Variants in MYOM1 observed in about 807,000 individuals in gnomAD.
The protein encoded by MYOM1 is myomesin-1.
In MYOM1, 164 loss-of-function variants were observed where a neutral mutation model predicts 205.3. The ratio of observed to expected loss-of-function variants is 0.80; its 90% CI spans 0.70 to 0.91. MYOM1 has a LOEUF of 0.91. Among genes scored for constraint, MYOM1 ranks in the 40% least tolerant of loss-of-function variants. The pLI, the probability that MYOM1 is intolerant of heterozygous loss-of-function variation, is 0.00. For missense variants in MYOM1, 2,011 were observed against 2,127.3 expected, an observed-to-expected ratio of 0.95 and a Z score of 1.08; for synonymous variants, 772 against 789.4, an observed-to-expected ratio of 0.98 and a Z score of 0.37.
intron 2 of MYOM1, among the ~76,000 whole-genome samples, chr18:3,210,359 T>C (rs1222070696): frequency 1.3e-5 from 2 of 152,190 alleles, no homozygotes; most frequent in Non-Finnish European, 2.9e-5. Context: ...GAGGTTATAA[T>C]CTGGGTGACA....
intron 13 of MYOM1, 64 bp downstream of exon 13, chr18:3,149,081 C>A: frequency 7.0e-7 from 1 of 1,438,796 alleles, no homozygotes; most frequent in Non-Finnish European, 9.8e-7. Flanking sequence ...GCACCCTCCA[C>A]AACAAAAGGC....
At chr18:3,078,290 C>T (rs1397617518) in intron 34 of MYOM1, among the ~76,000 whole-genome samples, 2 of 152,160 alleles carry the variant, frequency 1.3e-5, no homozygotes, top group Non-Finnish European at 2.9e-5. Flanking sequence ...GATCCACCCG[C>T]CTCAGCCTCC....
rs1412035962 is a variant in MYOM1, at chr18:3,100,039, TC to T, written c.3727+119del. 4 of 1,019,324 alleles carry T rather than the reference TC, an allele frequency of 3.9e-6. No individual in the cohort carries two copies. The East Asian group carries it at 9.6e-5, about 24-fold the overall frequency. The allele number at this position is 1,019,324 out of a possible 1,614,324, so 63.1% of individuals were successfully genotyped here. On this transcript the variant is annotated intron_variant, in intron 25 of 37. Coordinates refer to ENST00000356443, the MANE Select transcript of MYOM1 (RefSeq NM_003803.4). ...CACATCTGTAGCTACTGATGTGTGT[TC>T]CATTATATGTTCTCAAGAGTCTCTC...
the MYOM1 span, among the ~76,000 whole-genome samples, chr18:3,239,197 C>G: frequency 6.6e-6 from 1 of 152,096 alleles, no homozygotes; most frequent in Non-Finnish European, 1.5e-5. Context: ...CAGGAGAGGG[C>G]AGAATTGCTG....
Position 3,119,898 on chromosome 18 carries a change from T to A in MYOM1, c.3089A>T (p.Lys1030Ile). 2 of 1,612,728 alleles carry A rather than the reference T, an allele frequency of 1.2e-6. No individual in the cohort carries two copies. The highest frequency in any genetic ancestry group is 1.1e-5 in the South Asian group (1 of 90,944). Residue 1030 changes from lysine to isoleucine, a missense_variant, in exon 20 of 38, where the codon AAA becomes ATA. Transcript: ENST00000356443. The stretch of plus-strand genomic sequence containing the variant: ...GACGGCGATGGTCCACTCTTCACAT[T>A]TGAAGCATTCGCTTACTGCGGAGGG... ...GAPSAVSECF[K>I]CEEWTIAVPG...
At chr18:3,115,917 A>G (rs1174100171) in intron 21 of MYOM1, among the ~76,000 whole-genome samples, 1 of 152,198 alleles carries the variant, frequency 6.6e-6, no homozygotes, top group Non-Finnish European at 1.5e-5. Flanking sequence ...GAGGATCAGT[A>G]GTCACAGGCT....
intron 10 of MYOM1, 69 bp from the exon 11 acceptor site, chr18:3,155,157 G>GC (rs1303918959): frequency 6.8e-7 from 1 of 1,472,344 alleles, no homozygotes; most frequent in East Asian, 2.4e-5. Flanking sequence ...AGGTCTCAGC[G>GC]CACACGCTTC....
chr18:3,154,404 T>G (rs909954477), intron 11 of MYOM1, among the ~76,000 whole-genome samples: 1 of 152,076 alleles, frequency 6.6e-6, no homozygotes, highest in Non-Finnish European at 1.5e-5. Context: ...GTAGACCTAA[T>G]AGAGACCTAA....
intron 2 of MYOM1, among the ~76,000 whole-genome samples, chr18:3,199,508 G>A (rs768918506): frequency 8.5e-5 from 13 of 152,224 alleles, no homozygotes; most frequent in Non-Finnish European, 1.5e-4. Context: ...GGACAGGCAA[G>A]AGAGCCTGGA....
intron 27 of MYOM1, among the ~76,000 whole-genome samples, 154 bp downstream of exon 27, chr18:3,090,504 G>C (rs2079210551): frequency 6.6e-6 from 1 of 152,166 alleles, no homozygotes; most frequent in African/African-American, 2.4e-5. Flanking sequence ...ATAGGCATGA[G>C]CCACCGCGCC....
intron 3 of MYOM1, among the ~76,000 whole-genome samples, chr18:3,193,291 T>C (rs1285914512): frequency 1.4e-5 from 2 of 143,614 alleles, no homozygotes; most frequent in Non-Finnish European, 3.0e-5. Flanking sequence ...TAAATATATA[T>C]ACATATACAT....
intron 5 of MYOM1, among the ~76,000 whole-genome samples, chr18:3,182,913 CTTTTT>C (rs549386891): frequency 1.1e-5 from 1 of 92,300 alleles, no homozygotes. Flanking sequence ...TTTCTTTCTT[CTTTTT>C]TTTTTTTTTT....
chr18:3,079,221 C>T lies in MYOM1; in HGVS notation c.4606G>A (p.Gly1536Ser). 3 of 1,613,856 alleles carry T rather than the reference C, an allele frequency of 1.9e-6. No homozygotes were observed. Among genetic ancestry groups the T allele is most frequent in the Non-Finnish European group, 1.7e-6 (2 of 1,179,856 alleles). Residue 1536 changes from glycine (G) to serine (S), a missense_variant, in exon 34 of 38, where the codon GGC becomes AGC. Gly to Ser is a moderately conservative substitution (Grantham distance 56). Transcript: ENST00000356443. ...ACTGTCTTCTGATGTCCAGTTTTGC[C>T]ATCAAAGAGCTCCATGACATACTTC... is the stretch of plus-strand genomic sequence containing the variant. Reference protein sequence around the residue: ...KGKYVMELFDGKTGHQKTVDL... With the variant: ...KGKYVMELFDSKTGHQKTVDL...
chr18:3,210,198 A>G (rs1002665860), intron 2 of MYOM1, among the ~76,000 whole-genome samples: 1 of 152,220 alleles, frequency 6.6e-6, no homozygotes, highest in African/African-American at 2.4e-5. Context: ...ACATTTTGAA[A>G]GGATATTGGG....
intron 22 of MYOM1, among the ~76,000 whole-genome samples, chr18:3,105,290 T>C (rs2079437887): frequency 6.6e-6 from 1 of 152,150 alleles, no homozygotes; most frequent in Non-Finnish European, 1.5e-5. Flanking sequence ...CAACACTGTG[T>C]ATTAAATAAA....
At chr18:3,235,171 A>G in the MYOM1 span, among the ~76,000 whole-genome samples, 1 of 152,152 alleles carries the variant, frequency 6.6e-6, no homozygotes, top group Non-Finnish European at 1.5e-5. Flanking sequence ...TCTTGACAGC[A>G]CTTCTACATT....
chr18:3,150,583 CACA>C (rs1237810425), intron 12 of MYOM1, among the ~76,000 whole-genome samples: 4 of 152,098 alleles, frequency 2.6e-5, no homozygotes, highest in African/African-American at 9.7e-5. Flanking sequence ...AGCCACCTCC[CACA>C]ACAACAAAGA....
chr18:3,070,595 T>C (rs966143491), intron 37 of MYOM1, among the ~76,000 whole-genome samples: 1 of 152,150 alleles, frequency 6.6e-6, no homozygotes, highest in African/African-American at 2.4e-5. Flanking sequence ...CTTCGGAAAA[T>C]GCACAGTACT....
intron 2 of MYOM1, among the ~76,000 whole-genome samples, chr18:3,197,773 T>C (rs1383905732): frequency 1.3e-5 from 2 of 151,840 alleles, no homozygotes; most frequent in African/African-American, 2.4e-5. Flanking sequence ...CTCGGGAGGC[T>C]GAGGCAGGAG....
Sources: allele counts gnomAD v4.1 joint callset (sites outside exome capture counted in the v4.1 genomes callset), GRCh38; gene constraint gnomAD v4.1.1; transcripts MANE v1.5; gene names NCBI Gene and HGNC (gene_info 2026-07-23, HGNC 2026-07-21).